NSUN4: variants seen among roughly 807,000 people sequenced by gnomAD.
NSUN4 encodes the protein 5-cytosine rRNA methyltransferase NSUN4.
Under a neutral mutation model 43.8 loss-of-function variants are expected in NSUN4, and 31 were observed. The ratio of observed to expected loss-of-function variants is 0.71; its 90% CI spans 0.53 to 0.96. The LOEUF is 0.96. Ranked by LOEUF, NSUN4 falls within the 40% of genes least tolerant of loss-of-function variation. NSUN4 has a pLI of 0.00. For missense variants in NSUN4, 439 were observed against 475.6 expected, an observed-to-expected ratio of 0.92 and a Z score of 0.72; for synonymous variants, 167 against 184.1, an observed-to-expected ratio of 0.91 and a Z score of 0.75.
chr1:46,342,008 A>G (rs1662146156), intron 1 of NSUN4: 1 of 1,197,210 alleles, frequency 8.4e-7, no homozygotes, highest in Admixed American at 4.2e-5. Flanking sequence ...TCACTCATGT[A>G]CCCTTGGAAA....
chr1:46,372,298 G>A, the NSUN4 span, among the ~76,000 whole-genome samples: 7 of 151,662 alleles, frequency 4.6e-5, no homozygotes, highest in African/African-American at 7.3e-5. Flanking sequence ...CCACCACCAC[G>A]CCCGGCTGGT....
In NSUN4 at chr1:46,347,040, G is replaced by A. The variant is rs748748863; in HGVS notation, c.557G>A (p.Gly186Glu). The A allele has an allele frequency of 7.4e-6, 12 of 1,614,050 alleles. No individual in the cohort carries two copies. Among genetic ancestry groups the A allele is most frequent in the African/African-American group, 1.3e-5 (1 of 74,942 alleles). Residue 186 changes from glycine (G) to glutamate (E), a missense_variant, in exon 3 of 6, where the codon GGA becomes GAA. Gly to Glu is a moderately conservative substitution (Grantham distance 98). Coordinates refer to ENST00000474844, the MANE Select transcript of NSUN4 (RefSeq NM_199044.4). ...IVLDLCAAPG[G>E]KTLALLQTGC... ...CTTGACCTATGTGCAGCTCCTGGGG[G>A]AAAGACACTAGCGTTGCTTCAGACT... is the stretch of plus-strand genomic sequence containing the variant.
intron 2 of NSUN4, 132 bp from the exon 3 acceptor site, chr1:46,346,789 T>C: frequency 1.5e-6 from 1 of 663,302 alleles, no homozygotes; most frequent in Non-Finnish European, 2.7e-6. Flanking sequence ...AGTGAATAAG[T>C]AAGTGTGGGT....
At position 46,345,070 on chromosome 1, in the gene NSUN4, C is replaced by A. The variant is rs207460100; in HGVS notation, c.363C>A (p.Ala121=). 6.2e-7 allele frequency: 1 copy of A among 1,614,044 alleles called. No individual in the cohort carries two copies. The highest frequency in any genetic ancestry group is 2.2e-5 in the East Asian group (1 of 44,898). Reference sequence around the variant, plus strand: ...GCCAATCTGCAGCCCCATCCCCTGCCTCCTGGGCCTGCAGTCCGAACCTTC... The same window carrying A: ...GCCAATCTGCAGCCCCATCCCCTGCATCCTGGGCCTGCAGTCCGAACCTTC... ...EGGQSAAPSP[A]SWACSPNLRC... is the part of the protein sequence containing the mutation. The change falls in exon 2 of 6, where the codon GCC becomes GCA. Residue 121 remains alanine, a synonymous_variant. Transcript: ENST00000474844.
Position 46,345,143 on chromosome 1 carries a change from A to G in NSUN4, c.436A>G (p.Arg146Gly), listed in dbSNP as rs145301228. 954 of 1,597,288 alleles carry G rather than the reference A, an allele frequency of 6.0e-4. 10 individuals are homozygous for G. Among genetic ancestry groups the G allele is most frequent in the Admixed American group, 1.7e-4 (10 of 59,452 alleles). The change falls in exon 2 of 6, where the codon AGA (arginine) becomes GGA (glycine). Residue 146 changes from arginine to glycine, a missense_variant and splice_region_variant. Arg to Gly is a moderately radical substitution (Grantham distance 125). Transcript: ENST00000474844. ...RGDISRFPPA[R>G]PGSLGVMEYY... ...GGATATCAGTCGCTTCCCTCCTGCC[A>G]GGTAGGATCTGGAGCCATGACTGGA...
chr1:46,350,139 A>G (rs1456014900), intron 3 of NSUN4, among the ~76,000 whole-genome samples: 2 of 152,250 alleles, frequency 1.3e-5, no homozygotes, highest in African/African-American at 4.8e-5. Flanking sequence ...AGGTAGAGCC[A>G]GAACTGGAAC....
chr1:46,370,832 A>G, the NSUN4 span: 1 of 152,432 alleles, frequency 6.6e-6, no homozygotes, highest in Non-Finnish European at 1.5e-5. Context: ...AGAGAACCAT[A>G]TAGACTAATG....
At chr1:46,356,690 CA>C (rs1289819570) in intron 4 of NSUN4, among the ~76,000 whole-genome samples, 75 of 141,702 alleles carry the variant, frequency 5.3e-4, no homozygotes, top group Admixed American at 1.4e-3. Flanking sequence ...GATTCCGTCT[CA>C]AAAAAAAAAA....
chr1:46,383,219 G>A, the NSUN4 span, among the ~76,000 whole-genome samples: 13 of 152,178 alleles, frequency 8.5e-5, no homozygotes, highest in Non-Finnish European at 1.3e-4. Context: ...TGAGAGACCC[G>A]GTGTCCCGGG....
At chr1:46,360,249 A>AAAT (rs1553177947) in intron 4 of NSUN4, among the ~76,000 whole-genome samples, 1 of 25,770 alleles carries the variant, frequency 3.9e-5, no homozygotes, top group Non-Finnish European at 7.2e-5. Flanking sequence ...AAAAAAAAAA[A>AAAT]ATATATATAT....
the NSUN4 span, among the ~76,000 whole-genome samples, chr1:46,376,760 A>C: frequency 6.6e-6 from 1 of 150,952 alleles, no homozygotes; most frequent in African/African-American, 2.4e-5. Context: ...AAACACACTT[A>C]CTAGGTTTTT....
chr1:46,371,569 G>A, the NSUN4 span, among the ~76,000 whole-genome samples: 3 of 151,988 alleles, frequency 2.0e-5, no homozygotes, highest in Non-Finnish European at 4.4e-5. Flanking sequence ...GCCTCCCAAA[G>A]TTCTGTGATT....
At chr1:46,352,098 T>C (rs72677589) in intron 3 of NSUN4, among the ~76,000 whole-genome samples, 32,655 of 150,714 alleles carry the variant, frequency 0.22, 4,059 homozygotes, top group Non-Finnish European at 0.29. Context: ...CCCAAAGTGC[T>C]GGGATGAGAG....
chr1:46,351,804 A>G (rs530761174), intron 3 of NSUN4, among the ~76,000 whole-genome samples: 2 of 150,640 alleles, frequency 1.3e-5, no homozygotes, highest in African/African-American at 4.9e-5. Flanking sequence ...AGCTGGGACT[A>G]CAGGTACCCA....
chr1:46,347,947 G>T (rs61358317), intron 3 of NSUN4, among the ~76,000 whole-genome samples: 33,236 of 149,380 alleles, frequency 0.22, 4,134 homozygotes, highest in Non-Finnish European at 0.29. Flanking sequence ...GCACGACCTC[G>T]GCTCACTGCA....
In NSUN4 at chr1:46,344,853, A is replaced by G; in HGVS notation, c.146A>G (p.Asp49Gly). 1 of 1,614,212 alleles carries G rather than the reference A, an allele frequency of 6.2e-7. No homozygotes were observed. The highest frequency in any genetic ancestry group is 8.5e-7 in the Non-Finnish European group (1 of 1,180,038). ...GTTCGACTGGCTTTGCAGAATTTTG[A>G]CATGACTTACAGTGTGCAGTTTGGA... ...PAVRLALQNF[D>G]MTYSVQFGDL... The change falls in exon 2 of 6, where the codon GAC becomes GGC. Residue 49 changes from aspartate to glycine, a missense_variant. By Grantham distance (94) the Asp-to-Gly change is moderately conservative. Coordinates refer to ENST00000474844, the MANE Select transcript of NSUN4 (RefSeq NM_199044.4).
At chr1:46,360,883 G>C (rs1403928926) in intron 5 of NSUN4, 55 bp downstream of exon 5, 30 of 1,598,992 alleles carry the variant, frequency 1.9e-5, no homozygotes, top group South Asian at 1.1e-5. Flanking sequence ...CTGGGAGACT[G>C]GGGGACTGGA....
Position 46,360,738 on chromosome 1 carries a change from A to T in NSUN4, c.788A>T (p.His263Leu). 1 of 1,613,950 alleles carries T rather than the reference A, an allele frequency of 6.2e-7. No homozygotes were observed. The highest frequency in any genetic ancestry group is 8.5e-7 in the Non-Finnish European group (1 of 1,179,870). The change falls in exon 5 of 6, where the codon CAC becomes CTC. Residue 263 changes from histidine (H) to leucine (L), a missense_variant. Physicochemically the swap from His to Leu is moderately conservative, Grantham distance 99. Coordinates refer to ENST00000474844, the MANE Select transcript of NSUN4 (RefSeq NM_199044.4). The stretch of plus-strand genomic sequence containing the variant: ...GATGTGCCCTGTACCACAGACCGCC[A>T]CTCCCTTCATGAGGAGGAGAACAAC... ...LVDVPCTTDR[H>L]SLHEEENNIF...
At chr1:46,365,925 C>T (rs1169752288), downstream of NSUN4, among the ~76,000 whole-genome samples, 4 of 152,006 alleles carry the variant, frequency 2.6e-5, no homozygotes, top group Non-Finnish European at 4.4e-5. Flanking sequence ...GTCAGGAGTT[C>T]AAGACCAGCC....
Sources: allele counts gnomAD v4.1 joint callset (sites outside exome capture counted in the v4.1 genomes callset), GRCh38; gene constraint gnomAD v4.1.1; transcripts MANE v1.5; gene names NCBI Gene and HGNC (gene_info 2026-07-23, HGNC 2026-07-21).